Variants in UNC5C observed in about 807,000 individuals in gnomAD.
UNC5C encodes the protein netrin receptor UNC5C.
Under a neutral mutation model 99.8 loss-of-function variants are expected in UNC5C, and 47 were observed. The ratio of observed to expected loss-of-function variants is 0.47; its 90% CI spans 0.37 to 0.60. The LOEUF is 0.60. Ranked by LOEUF, UNC5C falls within the 20% of genes least tolerant of loss-of-function variation. The probability of loss-of-function intolerance (pLI) is 0.00; values close to 1 mark genes in which losing one functional copy is unlikely to be tolerated. For synonymous variants in UNC5C, 487 were observed against 452.2 expected (o/e 1.08, Z -0.98); for missense variants, 1,062 against 1,165.9 (o/e 0.91, Z 1.30).
intron 1 of UNC5C, among the ~76,000 whole-genome samples, chr4:95,522,925 A>G (rs185437474): frequency 9.5e-4 from 145 of 152,198 alleles, no homozygotes; most frequent in African/African-American, 3.1e-3. Context: ...ACAAGAAACG[A>G]AAGTGCCCCA....
At chr4:95,175,871 T>G (rs1242833960) in intron 14 of UNC5C, among the ~76,000 whole-genome samples, 1 of 151,936 alleles carries the variant, frequency 6.6e-6, no homozygotes, top group South Asian at 2.1e-4. Flanking sequence ...CCCATCACTT[T>G]CAGGTACACC....
chr4:95,268,999 C>T (rs935368486), intron 4 of UNC5C, among the ~76,000 whole-genome samples: 4 of 152,226 alleles, frequency 2.6e-5, no homozygotes, highest in Non-Finnish European at 5.9e-5. Flanking sequence ...CTCCAAGGAG[C>T]ATTAGCTAGT....
chr4:95,298,620 C>A lies in UNC5C; in HGVS notation c.490+2986G>T, dbSNP rs189134660. ...AAGCTTCCTGACCACTCCCTCCCAG[C>A]CCTACAAATTCCCTTTTCCTGCTGT... On this transcript the variant is annotated intron_variant, in intron 3 of 15. Coordinates refer to ENST00000453304, the MANE Select transcript of UNC5C (RefSeq NM_003728.4). Among the ~76,000 whole-genome samples the A allele has an allele frequency of 9.1e-4, 138 of 152,238 alleles. 1 individual carries two copies. The highest frequency in any genetic ancestry group is 1.5e-3 in the Admixed American group (23 of 15,298).
chr4:95,504,051 T>C (rs1721846923), intron 1 of UNC5C, among the ~76,000 whole-genome samples: 2 of 152,162 alleles, frequency 1.3e-5, no homozygotes, highest in African/African-American at 4.8e-5. Context: ...TAAACACTTA[T>C]TTCCTACAGT....
At chr4:95,264,608 G>T (rs1740372899) in intron 4 of UNC5C, among the ~76,000 whole-genome samples, 1 of 152,054 alleles carries the variant, frequency 6.6e-6, no homozygotes. Flanking sequence ...CCCCAGCTAT[G>T]CTTCAGACTT....
chr4:95,194,491 C>A (rs1737295192), intron 12 of UNC5C, among the ~76,000 whole-genome samples: 2 of 152,136 alleles, frequency 1.3e-5, no homozygotes, highest in South Asian at 4.1e-4. Context: ...GCCCTCCTCT[C>A]CAGAGCCCCG....
chr4:95,317,563 A>G (rs796935250), intron 2 of UNC5C, among the ~76,000 whole-genome samples: 47 of 152,258 alleles, frequency 3.1e-4, no homozygotes, highest in African/African-American at 1.1e-3. Flanking sequence ...GAAACGTGGC[A>G]ATGAGAATGA....
chr4:95,485,752 T>A (rs958186577), intron 1 of UNC5C, among the ~76,000 whole-genome samples: 1 of 151,770 alleles, frequency 6.6e-6, no homozygotes, highest in Non-Finnish European at 1.5e-5. Flanking sequence ...TCCTATAATT[T>A]ATTTGTCATT....
chr4:95,174,229 G>A (rs1453179857), intron 14 of UNC5C, among the ~76,000 whole-genome samples: 1 of 151,568 alleles, frequency 6.6e-6, no homozygotes, highest in Non-Finnish European at 1.5e-5. Context: ...GGTTTTTTGT[G>A]TCTCTATTTC....
At chr4:95,234,721 T>A (rs1739046274) in intron 7 of UNC5C, among the ~76,000 whole-genome samples, 1 of 152,132 alleles carries the variant, frequency 6.6e-6, no homozygotes, top group African/African-American at 2.4e-5. Context: ...ACCAAGGCAT[T>A]GATTATCTCC....
Position 95,231,375 on chromosome 4 carries a change from T to C in UNC5C, c.1108+11054A>G, listed in dbSNP as rs150825621. On this transcript the variant is annotated intron_variant, in intron 7 of 15. Transcript: ENST00000453304. ...ATGGGGGTGGCTAGGATGCAAGTTATGCATATGACATAATGTCATTTATAA... is the reference window on the plus strand; with the variant it reads ...ATGGGGGTGGCTAGGATGCAAGTTACGCATATGACATAATGTCATTTATAA... Among the ~76,000 whole-genome samples, 20 of 152,338 alleles carry C rather than the reference T, an allele frequency of 1.3e-4. No individual in the cohort carries two copies. The East Asian group carries it at 3.7e-3, about 28-fold the overall frequency.
chr4:95,237,909 G>A (rs1739180436), intron 7 of UNC5C, among the ~76,000 whole-genome samples: 1 of 152,080 alleles, frequency 6.6e-6, no homozygotes, highest in African/African-American at 2.4e-5. Flanking sequence ...GGGTGTGGTG[G>A]TGTGTGCCTG....
intron 3 of UNC5C, among the ~76,000 whole-genome samples, chr4:95,282,121 G>A (rs1292130079): frequency 6.6e-6 from 1 of 152,136 alleles, no homozygotes; most frequent in East Asian, 1.9e-4. Context: ...TCACCAGGGA[G>A]AGACTGCAGC....
chr4:95,203,085 A>G, intron 11 of UNC5C, 121 bp from the exon 12 acceptor site: 1 of 789,734 alleles, frequency 1.3e-6, no homozygotes, highest in Non-Finnish European at 2.1e-6. Context: ...TTTCTCTCTC[A>G]GAGTTTATAA....
Position 95,335,434 on chromosome 4 carries a change from C to G in UNC5C, c.322G>C (p.Asp108His), listed in dbSNP as rs931922530. The G allele has an allele frequency of 6.2e-7, 1 of 1,611,518 alleles. No homozygotes were observed. Among genetic ancestry groups the G allele is most frequent in the Non-Finnish European group, 8.5e-7 (1 of 1,178,500 alleles). ...CCGGAAGTTTCATCTACTCTTTCAT[C>G]TACTATGTGGTCCTTCTGATGAACC... ...EWVHQKDHIV[D>H]ERVDETSGLI... The change falls in exon 2 of 16, where the codon GAT (aspartate) becomes CAT (histidine). Residue 108 changes from aspartate (D) to histidine (H), a missense_variant. Coordinates refer to ENST00000453304, the MANE Select transcript of UNC5C (RefSeq NM_003728.4).
chr4:95,215,645 C>T (rs768161482), intron 10 of UNC5C, among the ~76,000 whole-genome samples: 4 of 151,966 alleles, frequency 2.6e-5, no homozygotes, highest in Non-Finnish European at 5.9e-5. Context: ...ATTAGTAATA[C>T]TTAAGCTAGA....
intron 4 of UNC5C, among the ~76,000 whole-genome samples, chr4:95,254,425 G>T (rs1739875888): frequency 6.6e-6 from 1 of 152,096 alleles, no homozygotes; most frequent in South Asian, 2.1e-4. Context: ...ACCCAGAGAA[G>T]CTAAATCCAA....
At chr4:95,272,377 TATA>T (rs773352647) in intron 4 of UNC5C, among the ~76,000 whole-genome samples, 5 of 152,238 alleles carry the variant, frequency 3.3e-5, no homozygotes, top group Admixed American at 2.6e-4. Context: ...GCCACAGATG[TATA>T]ATAAGTCAGA....
intron 14 of UNC5C, among the ~76,000 whole-genome samples, chr4:95,171,277 C>T (rs905924188): frequency 5.3e-5 from 8 of 151,554 alleles, no homozygotes; most frequent in African/African-American, 1.9e-4. Context: ...TACATGTGCA[C>T]AATGTGCAGG....
Sources: allele counts gnomAD v4.1 joint callset (sites outside exome capture counted in the v4.1 genomes callset), GRCh38; gene constraint gnomAD v4.1.1; transcripts MANE v1.5; gene names NCBI Gene and HGNC (gene_info 2026-07-23, HGNC 2026-07-21).